DNAAF4: variants seen among roughly 807,000 people sequenced by gnomAD.
The protein encoded by DNAAF4 is dynein assembly factor 4, axonemal.
A neutral mutation model predicts 51.8 loss-of-function variants in DNAAF4; 43 were observed. The ratio of observed to expected loss-of-function variants is 0.83; its 90% confidence interval spans 0.65 to 1.07. The LOEUF is 1.07. Among genes scored for constraint, DNAAF4 ranks in the 50% least tolerant of loss-of-function variants. The pLI, the probability that DNAAF4 is intolerant of heterozygous loss-of-function variation, is 0.00. For synonymous variants in DNAAF4, 194 were observed against 165.6 expected (o/e 1.17, Z -1.32); for missense variants, 581 against 493.0 (o/e 1.18, Z -1.69).
intron 1 of DNAAF4, among the ~76,000 whole-genome samples, chr15:55,500,198 G>A (rs1375579268): frequency 6.6e-6 from 1 of 152,124 alleles, no homozygotes; most frequent in Admixed American, 6.6e-5. Flanking sequence ...AAGATAAGGA[G>A]CAACAGACTT....
At chr15:55,446,768 G>T (rs1488883111) in intron 6 of DNAAF4, among the ~76,000 whole-genome samples, 1 of 147,554 alleles carries the variant, frequency 6.8e-6, no homozygotes, top group African/African-American at 2.5e-5. Flanking sequence ...CAGGGTGGTG[G>T]CCAGGCAGAG....
chr15:55,491,040 G>A, intron 4 of DNAAF4, 83 bp downstream of exon 4: 2 of 1,512,386 alleles, frequency 1.3e-6, no homozygotes, highest in East Asian at 4.5e-5. Flanking sequence ...AAATGCTGAG[G>A]AAGTCCAGCA....
exon 8 of DNAAF4, chr15:55,417,889 G>A (rs1261939920): frequency 7.1e-6 from 3 of 424,048 alleles, no homozygotes; most frequent in Non-Finnish European, 1.3e-5. Context: ...CAGTCAAAGG[G>A]GGTTATTCTG....
chr15:55,438,611 G>A (rs894873572), intron 7 of DNAAF4, among the ~76,000 whole-genome samples: 6 of 151,776 alleles, frequency 4.0e-5, no homozygotes, highest in South Asian at 4.2e-4. Context: ...GTGAAACCCC[G>A]TCTCTACTAA....
intron 5 of DNAAF4, among the ~76,000 whole-genome samples, chr15:55,464,060 C>T (rs1205981912): frequency 6.6e-6 from 1 of 152,182 alleles, no homozygotes; most frequent in African/African-American, 2.4e-5. Flanking sequence ...TCAAACTATA[C>T]TACAAGGCCA....
chr15:55,481,668 G>C (rs1338454344), intron 4 of DNAAF4, among the ~76,000 whole-genome samples: 1 of 152,118 alleles, frequency 6.6e-6, no homozygotes, highest in East Asian at 1.9e-4. Context: ...ACAGAAGACA[G>C]ACCATCAGTT....
intron 4 of DNAAF4, among the ~76,000 whole-genome samples, chr15:55,490,253 AC>A (rs928811620): frequency 1.3e-5 from 2 of 152,120 alleles, no homozygotes; most frequent in Non-Finnish European, 2.9e-5. Flanking sequence ...GTTGCCTAGG[AC>A]TAAGTGTTAG....
chr15:55,505,390 C>A (rs946801529), intron 1 of DNAAF4, among the ~76,000 whole-genome samples: 2 of 152,042 alleles, frequency 1.3e-5, no homozygotes, highest in Admixed American at 6.6e-5. Context: ...ACTAGAAATA[C>A]CATTTGACCC....
At position 55,430,493 on chromosome 15, in the gene DNAAF4, T is replaced by C; in HGVS notation, c.*177A>G. On this transcript the variant is annotated 3_prime_UTR_variant, in exon 10 of 10. Transcript: ENST00000321149. ...ATAGATTCTTATTTAGATTTACTTA[T>C]TCAGAAATGATTCAAGTCAAACAGT... The C allele has an allele frequency of 8.5e-7, 1 of 1,173,880 alleles. No homozygotes were observed. Among genetic ancestry groups the C allele is most frequent in the Non-Finnish European group, 1.1e-6 (1 of 933,484 alleles). The allele number at this position is 1,173,880 out of a possible 1,614,324, so 72.7% of individuals were successfully genotyped here. A position where few individuals can be genotyped will look rare whatever the true frequency, so the allele number is the denominator to read the frequency against.
rs550862680 is a variant in DNAAF4, at chr15:55,450,322, C to A, written c.683G>T (p.Ser228Ile). 3.1e-6 allele frequency: 5 copies of A among 1,613,846 alleles called. No homozygotes were observed. In the East Asian group the frequency reaches 8.9e-5, roughly 29 times the overall value. The change falls in exon 6 of 10, where the codon AGT becomes ATT. Residue 228 changes from serine (S) to isoleucine (I), a missense_variant. Transcript: ENST00000321149. ...NIFTEKLKED[S>I]IPAPRSVGSI... ...GCCAACAGAGCGAGGAGCAGGAATA[C>A]TGTCTTCCTTTAACTTCTCAGTAAA...
chr15:55,495,224 A>G (rs921495411), intron 3 of DNAAF4: 4 of 147,650 alleles, frequency 2.7e-5, no homozygotes, highest in African/African-American at 9.8e-5. Flanking sequence ...AAAAAAAAAA[A>G]AAAAAAAATT....
intron 4 of DNAAF4, among the ~76,000 whole-genome samples, chr15:55,476,405 A>G (rs1023167405): frequency 2.0e-5 from 3 of 152,104 alleles, no homozygotes; most frequent in Admixed American, 6.5e-5. Flanking sequence ...GTGAGCTATG[A>G]ATGTACCACT....
intron 5 of DNAAF4, among the ~76,000 whole-genome samples, chr15:55,460,327 G>A (rs1039199799): frequency 1.3e-5 from 2 of 151,674 alleles, no homozygotes; most frequent in Non-Finnish European, 2.9e-5. Flanking sequence ...TTACAGGTGC[G>A]TGCCAGCACG....
intron 4 of DNAAF4, among the ~76,000 whole-genome samples, chr15:55,468,449 A>G (rs1477345917): frequency 6.6e-6 from 1 of 152,208 alleles, no homozygotes; most frequent in Non-Finnish European, 1.5e-5. Flanking sequence ...ATATATTCTT[A>G]GTTCAGAGAG....
At chr15:55,495,144 T>A (rs1478586480) in intron 3 of DNAAF4, 1 of 132,690 alleles carries the variant, frequency 7.5e-6, no homozygotes, top group Non-Finnish European at 1.5e-5. Context: ...ACAGAGGAAG[T>A]AAGAGGTCAA....
At chr15:55,463,651 G>A (rs1347216494) in intron 5 of DNAAF4, among the ~76,000 whole-genome samples, 1 of 151,902 alleles carries the variant, frequency 6.6e-6, no homozygotes, top group Non-Finnish European at 1.5e-5. Flanking sequence ...CAAGGACCAG[G>A]CTGAGAATCA....
intron 1 of DNAAF4, among the ~76,000 whole-genome samples, chr15:55,501,445 G>A (rs1315795189): frequency 6.8e-6 from 1 of 147,178 alleles, no homozygotes; most frequent in African/African-American, 2.5e-5. Flanking sequence ...GCGCTATCTC[G>A]GCTCACTGCA....
chr15:55,440,626 A>G (rs2057695288), intron 6 of DNAAF4, among the ~76,000 whole-genome samples: 1 of 151,872 alleles, frequency 6.6e-6, no homozygotes, highest in Admixed American at 6.6e-5. Flanking sequence ...TCGGCCTCCC[A>G]AAGTGCTGGG....
downstream of DNAAF4, among the ~76,000 whole-genome samples, chr15:55,427,176 C>G: frequency 6.6e-6 from 1 of 152,020 alleles, no homozygotes; most frequent in East Asian, 1.9e-4. Flanking sequence ...AAGCAATTCT[C>G]TGCCTCAGCC....
Sources: gnomAD v4.1 joint callset for allele counts (sites outside exome capture counted in the v4.1 genomes callset) on GRCh38, gnomAD v4.1.1 for gene constraint, MANE v1.5 for transcripts, NCBI Gene and HGNC (gene_info 2026-07-23, HGNC 2026-07-21) for gene names.